PRKN: variants seen among roughly 807,000 people sequenced by gnomAD.
The protein encoded by PRKN is E3 ubiquitin-protein ligase parkin.
PRKN carries 56 observed loss-of-function variants against 59.5 expected under a neutral mutation model. The observed-to-expected ratio is 0.94, with a 90% CI of 0.76 to 1.18. The LOEUF (loss-of-function observed/expected upper bound fraction) is 1.18, where lower values mean the gene tolerates loss of function less well. PRKN is among the 50% of genes most tolerant of loss of function. The pLI, the probability that PRKN is intolerant of heterozygous loss-of-function variation, is 0.00. For missense variants in PRKN, 657 were observed against 596.4 expected (o/e 1.10, Z -1.06); for synonymous variants, 250 against 222.1 (o/e 1.13, Z -1.12).
intron 9 of PRKN, among the ~76,000 whole-genome samples, chr6:161,398,521 C>T (rs1373930082): frequency 6.6e-6 from 1 of 152,162 alleles, no homozygotes; most frequent in Admixed American, 6.5e-5. Context: ...CCTGTTCTAG[C>T]TCATTCATTC....
intron 1 of PRKN, among the ~76,000 whole-genome samples, chr6:162,491,094 A>C (rs1792789922): frequency 6.9e-6 from 1 of 144,542 alleles, no homozygotes; most frequent in Non-Finnish European, 1.5e-5. Flanking sequence ...CAAGAGTGAA[A>C]CTCTGTCTCA....
intron 1 of PRKN, 46 bp from the exon 2 acceptor site, chr6:162,443,519 G>C (rs771710791): frequency 6.3e-7 from 1 of 1,580,116 alleles, no homozygotes; most frequent in South Asian, 1.1e-5. Context: ...AGCATCACTC[G>C]AAGCCCTTAA....
chr6:161,718,676 A>G (rs564272474), intron 7 of PRKN, among the ~76,000 whole-genome samples: 1 of 152,224 alleles, frequency 6.6e-6, no homozygotes. Context: ...GGCTGCACCC[A>G]TAATAGACAA....
At chr6:161,885,464 A>G (rs977839775) in intron 6 of PRKN, among the ~76,000 whole-genome samples, 2 of 152,050 alleles carry the variant, frequency 1.3e-5, no homozygotes, top group African/African-American at 4.8e-5. Flanking sequence ...GGAGATAGAG[A>G]CCATCCTGGC....
intron 4 of PRKN, among the ~76,000 whole-genome samples, chr6:162,065,798 C>T (rs1778314240): frequency 6.6e-6 from 1 of 152,098 alleles, no homozygotes; most frequent in Admixed American, 6.6e-5. Context: ...TCAATTCCCA[C>T]CTATGAGTGA....
chr6:162,441,355 AG>A (rs1387635010), intron 2 of PRKN, among the ~76,000 whole-genome samples: 1 of 152,144 alleles, frequency 6.6e-6, no homozygotes, highest in East Asian at 1.9e-4. Context: ...AGGTTCTAGA[AG>A]AACAAGAACC....
intron 9 of PRKN, among the ~76,000 whole-genome samples, chr6:161,485,305 G>A (rs1338175764): frequency 6.6e-6 from 1 of 152,044 alleles, no homozygotes; most frequent in Non-Finnish European, 1.5e-5. Context: ...AAACTGAATA[G>A]GCATCTCCAT....
chr6:162,084,984 A>C (rs1312500365), intron 4 of PRKN, among the ~76,000 whole-genome samples: 1 of 151,676 alleles, frequency 6.6e-6, no homozygotes, highest in Non-Finnish European at 1.5e-5. Context: ...AAAAAGGTTA[A>C]AGTGACATGT....
At chr6:161,649,011 G>A (rs1050672228) in intron 7 of PRKN, among the ~76,000 whole-genome samples, 15 of 152,188 alleles carry the variant, frequency 9.9e-5, no homozygotes, top group African/African-American at 2.9e-4. Flanking sequence ...TTAGCCATCT[G>A]TGAGTTTGCA....
chr6:161,661,555 ATT>A (rs35251080), intron 7 of PRKN, among the ~76,000 whole-genome samples: 240 of 148,570 alleles, frequency 1.6e-3, no homozygotes, highest in African/African-American at 5.1e-3. Context: ...ACCTGCTTCC[ATT>A]TTTTTTTTTT....
chr6:161,637,707 A>G (rs6927556), intron 7 of PRKN, among the ~76,000 whole-genome samples: 100,746 of 150,720 alleles, frequency 0.67, 35,770 homozygotes, highest in African/African-American at 0.91. Context: ...TTTGCCTTTT[A>G]TCCTTAAAAA....
intron 5 of PRKN, among the ~76,000 whole-genome samples, chr6:162,020,502 G>A (rs1299685679): frequency 1.3e-5 from 2 of 152,076 alleles, no homozygotes; most frequent in Non-Finnish European, 2.9e-5. Flanking sequence ...GATGAAGTTG[G>A]ATGTAGCTGA....
chr6:161,929,517 CTTTTTTTTT>C (rs759945931), intron 6 of PRKN, among the ~76,000 whole-genome samples: 15 of 72,258 alleles, frequency 2.1e-4, no homozygotes, highest in African/African-American at 6.3e-4. Flanking sequence ...AATTTCACCT[CTTTTTTTTT>C]TTTTTTTTTT....
chr6:162,498,675 C>T (rs1793213610), intron 1 of PRKN, among the ~76,000 whole-genome samples: 2 of 151,412 alleles, frequency 1.3e-5, no homozygotes, highest in Non-Finnish European at 2.9e-5. Flanking sequence ...TAGAACAGTC[C>T]ATAAACTGCC....
At chr6:162,067,146 G>A (rs1582982785) in intron 4 of PRKN, among the ~76,000 whole-genome samples, 1 of 152,228 alleles carries the variant, frequency 6.6e-6, no homozygotes, top group South Asian at 2.1e-4. Flanking sequence ...CAACAATATA[G>A]AAAGAGTCTG....
intron 6 of PRKN, among the ~76,000 whole-genome samples, chr6:161,792,106 C>G (rs79723044): frequency 0.025 from 3,737 of 152,254 alleles, 151 homozygotes; most frequent in African/African-American, 0.086. Context: ...ATGACTGAAG[C>G]CCTGGCTGAT....
In PRKN at chr6:162,469,708, G is replaced by A. The variant is rs149433309; in HGVS notation, c.8-26235C>T. Reference sequence around the variant, plus strand: ...GATGCAAAGGCCTAAGAATGACACAGTGGACTCTGGGGACTCAACAGGAAA... The same window carrying A: ...GATGCAAAGGCCTAAGAATGACACAATGGACTCTGGGGACTCAACAGGAAA... On this transcript the variant is annotated intron_variant, in intron 1 of 11. Coordinates refer to ENST00000366898, the MANE Select transcript of PRKN (RefSeq NM_004562.3). 2.0e-5 allele frequency among the ~76,000 whole-genome samples: 3 copies of A among 152,090 alleles called. No homozygotes were observed. The East Asian group carries it at 5.8e-4, about 30-fold the overall frequency.
At chr6:162,467,087 C>G (rs989550385) in intron 1 of PRKN, among the ~76,000 whole-genome samples, 2 of 152,108 alleles carry the variant, frequency 1.3e-5, no homozygotes, top group South Asian at 2.1e-4. Flanking sequence ...TGAGTCTTTG[C>G]TAAAATGTTG....
chr6:162,638,913 T>C (rs1777856795), intron 1 of PRKN, among the ~76,000 whole-genome samples: 1 of 151,824 alleles, frequency 6.6e-6, no homozygotes, highest in African/African-American at 2.4e-5. Flanking sequence ...CCCAGCTAAT[T>C]TTTTATATTT....
Sources: gnomAD v4.1 joint callset for allele counts (sites outside exome capture counted in the v4.1 genomes callset) on GRCh38, gnomAD v4.1.1 for gene constraint, MANE v1.5 for transcripts, NCBI Gene and HGNC (gene_info 2026-07-23, HGNC 2026-07-21) for gene names.